The following AHCYL2 variants were observed in gnomAD, a reference collection of about 807,000 sequenced individuals.
AHCYL2 encodes S-adenosylhomocysteine hydrolase-like protein 2.
A neutral mutation model predicts 81.4 loss-of-function variants in AHCYL2; 28 were observed. The observed-to-expected ratio is 0.34, with a 90% CI of 0.25 to 0.47. AHCYL2 has a LOEUF of 0.47. Among genes scored for constraint, AHCYL2 ranks in the 20% least tolerant of loss-of-function variants. AHCYL2 has a pLI of 1.00. For synonymous variants in AHCYL2, 272 were observed against 290.2 expected (o/e 0.94, Z 0.64); for missense variants, 551 against 785.1 (o/e 0.70, Z 3.56).
At chr7:129,345,149 A>G (rs1793317890) in intron 1 of AHCYL2, among the ~76,000 whole-genome samples, 1 of 152,190 alleles carries the variant, frequency 6.6e-6, no homozygotes, top group Non-Finnish European at 1.5e-5. Flanking sequence ...AAAAAAGAAA[A>G]GAAAAATTCT....
chr7:129,295,953 T>C (rs1797035827), intron 1 of AHCYL2, among the ~76,000 whole-genome samples: 1 of 152,236 alleles, frequency 6.6e-6, no homozygotes, highest in South Asian at 2.1e-4. Context: ...CTAAAGCTTC[T>C]CTGCGTTTAT....
intron 1 of AHCYL2, among the ~76,000 whole-genome samples, chr7:129,237,331 A>G (rs936888692): frequency 2.0e-5 from 3 of 152,194 alleles, no homozygotes; most frequent in African/African-American, 7.2e-5. Flanking sequence ...TTGTTCCCAA[A>G]TAAAATATAT....
intron 1 of AHCYL2, among the ~76,000 whole-genome samples, chr7:129,290,517 A>AG (rs1220423546): frequency 6.6e-6 from 1 of 151,008 alleles, no homozygotes; most frequent in African/African-American, 2.4e-5. Context: ...AAAAAAAAAA[A>AG]GTTTTGGAGG....
At chr7:129,404,385 T>C (rs1014889003) in intron 7 of AHCYL2, among the ~76,000 whole-genome samples, 14 of 151,842 alleles carry the variant, frequency 9.2e-5, no homozygotes, top group African/African-American at 3.1e-4. Context: ...AAAAAAAAGT[T>C]GTAGGGAAGT....
chr7:129,295,859 G>A (rs1248467149), intron 1 of AHCYL2, among the ~76,000 whole-genome samples: 1 of 152,162 alleles, frequency 6.6e-6, no homozygotes, highest in Non-Finnish European at 1.5e-5. Context: ...TGACTTTGCT[G>A]GGGAGTTGTT....
chr7:129,399,558 G>A (rs751459497), intron 5 of AHCYL2, among the ~76,000 whole-genome samples: 2 of 152,054 alleles, frequency 1.3e-5, no homozygotes, highest in East Asian at 1.9e-4. Flanking sequence ...TTCTAGTAAC[G>A]TTTTAGCAAG....
intron 13 of AHCYL2, among the ~76,000 whole-genome samples, chr7:129,423,799 T>TC (rs1797228333): frequency 6.6e-6 from 1 of 152,230 alleles, no homozygotes; most frequent in African/African-American, 2.4e-5. Context: ...CTTCACATTT[T>TC]CCTCACTTTA....
At chr7:129,286,155 A>G (rs1022604166) in intron 1 of AHCYL2, among the ~76,000 whole-genome samples, 12 of 152,216 alleles carry the variant, frequency 7.9e-5, no homozygotes, top group Non-Finnish European at 1.8e-4. Context: ...TACACAATAT[A>G]AAATGAAATG....
intron 2 of AHCYL2, among the ~76,000 whole-genome samples, chr7:129,386,038 C>T (rs1795184451): frequency 6.6e-6 from 1 of 152,122 alleles, no homozygotes; most frequent in South Asian, 2.1e-4. Context: ...CAGCAATAAC[C>T]TTTCCACTGT....
chr7:129,245,321 G>A (rs745396172), intron 1 of AHCYL2, among the ~76,000 whole-genome samples: 2 of 152,040 alleles, frequency 1.3e-5, no homozygotes, highest in African/African-American at 4.8e-5. Flanking sequence ...CACTGCACCC[G>A]GCCAGAATAT....
At chr7:129,247,782 C>T (rs1031910555) in intron 1 of AHCYL2, among the ~76,000 whole-genome samples, 3 of 151,902 alleles carry the variant, frequency 2.0e-5, no homozygotes, top group Non-Finnish European at 2.9e-5. Context: ...TTCTATTTTT[C>T]GTAGAGAAGG....
chr7:129,247,572 G>C (rs1027931423), intron 1 of AHCYL2, among the ~76,000 whole-genome samples: 19 of 150,588 alleles, frequency 1.3e-4, no homozygotes, highest in African/African-American at 4.4e-4. Flanking sequence ...TTTTGAAAAA[G>C]TCCAATTTAC....
At chr7:129,288,190 C>T (rs1796705393) in intron 1 of AHCYL2, among the ~76,000 whole-genome samples, 1 of 152,086 alleles carries the variant, frequency 6.6e-6, no homozygotes, top group African/African-American at 2.4e-5. Context: ...CATTAGTCCT[C>T]TCTTCTCCCC....
intron 1 of AHCYL2, among the ~76,000 whole-genome samples, chr7:129,234,702 C>T (rs1794577395): frequency 6.6e-6 from 1 of 152,052 alleles, no homozygotes; most frequent in Non-Finnish European, 1.5e-5. Context: ...CACTTTGTTG[C>T]CCAGGCTGGC....
intron 1 of AHCYL2, among the ~76,000 whole-genome samples, chr7:129,330,537 C>T (rs2150802152): frequency 6.7e-6 from 1 of 149,192 alleles, no homozygotes; most frequent in African/African-American, 2.5e-5. Context: ...GTGTCGCCAT[C>T]CCAGCTCACT....
intron 1 of AHCYL2, among the ~76,000 whole-genome samples, chr7:129,249,255 C>T (rs1217362576): frequency 1.3e-5 from 2 of 152,246 alleles, no homozygotes; most frequent in South Asian, 2.1e-4. Flanking sequence ...GTCCTGGCCT[C>T]CCAAAGTGCT....
At chr7:129,396,364 A>G (rs1029496352) in intron 4 of AHCYL2, among the ~76,000 whole-genome samples, 4 of 151,188 alleles carry the variant, frequency 2.6e-5, no homozygotes, top group African/African-American at 9.7e-5. Context: ...TGACCTTGTG[A>G]TCTGCCCGCC....
At chr7:129,325,465 C>G (rs1404153191) in intron 1 of AHCYL2, among the ~76,000 whole-genome samples, 1 of 151,884 alleles carries the variant, frequency 6.6e-6, no homozygotes, top group Non-Finnish European at 1.5e-5. Context: ...TTCTTTATCA[C>G]TAGATTTGAG....
At chr7:129,409,578 C>A in intron 11 of AHCYL2, 32 bp downstream of exon 11, 1 of 1,556,974 alleles carries the variant, frequency 6.4e-7, no homozygotes, top group Non-Finnish European at 8.8e-7. Flanking sequence ...TGGGGTGGCA[C>A]TTGGGAATGT....
Sources: gnomAD v4.1 joint callset for allele counts (sites outside exome capture counted in the v4.1 genomes callset) on GRCh38, gnomAD v4.1.1 for gene constraint, MANE v1.5 for transcripts, NCBI Gene and HGNC (gene_info 2026-07-23, HGNC 2026-07-21) for gene names.